ECE1: variants seen among roughly 807,000 people sequenced by gnomAD.
ECE1 encodes the protein endothelin converting enzyme 1.
ECE1 carries 35 observed loss-of-function variants against 98.6 expected under a neutral mutation model. That is an observed-to-expected ratio of 0.35 (90% confidence interval 0.27 to 0.47). ECE1 has a LOEUF of 0.47. ECE1 is among the 20% of genes least tolerant of loss of function. ECE1 has a pLI of 1.00. For synonymous variants in ECE1, 394 were observed against 407.1 expected (o/e 0.97, Z 0.39); for missense variants, 814 against 1,025.3 (o/e 0.79, Z 2.81).
Position 21,260,392 on chromosome 1 carries a change from T to C in ECE1, c.494A>G (p.Glu165Gly). Residue 165 changes from glutamate to glycine, a missense_variant and splice_region_variant, in exon 5 of 19, where the codon GAA becomes GGA. Physicochemically the swap from Glu to Gly is moderately conservative, Grantham distance 98 (BLOSUM62 -2). Coordinates refer to ENST00000374893, the MANE Select transcript of ECE1 (RefSeq NM_001397.3). This position sits in a 1 kb window ranked among gnomAD's most constrained non-coding sequence, Gnocchi z 4.3. The part of the protein sequence containing the change: ...HNQAIIKHLL[E>G]NSTASVSEAE... Reference sequence around the variant, plus strand: ...CTCGCTCACGCTGGCCGTGGAGTTTTCTGGAACAACAGACAGTGGAGTTTG... The same window carrying C: ...CTCGCTCACGCTGGCCGTGGAGTTTCCTGGAACAACAGACAGTGGAGTTTG... 6.2e-7 allele frequency: 1 copy of C among 1,614,224 alleles called. No homozygotes were observed. Among genetic ancestry groups the C allele is most frequent in the Non-Finnish European group, 8.5e-7 (1 of 1,180,042 alleles).
At chr1:21,272,374 C>T (rs897660834) in intron 4 of ECE1, among the ~76,000 whole-genome samples, 1 of 152,216 alleles carries the variant, frequency 6.6e-6, no homozygotes, top group Non-Finnish European at 1.5e-5. Context: ...TCACTGCAAC[C>T]TCTGCCTCCC....
At chr1:21,248,063 G>A (rs750587622) in intron 8 of ECE1, among the ~76,000 whole-genome samples, 9 of 152,308 alleles carry the variant, frequency 5.9e-5, no homozygotes, top group African/African-American at 2.2e-4. Flanking sequence ...GCATTGGTCC[G>A]AAGGTGATAT....
At chr1:21,246,196 A>T (rs1017270686) in intron 9 of ECE1, among the ~76,000 whole-genome samples, 3 of 152,126 alleles carry the variant, frequency 2.0e-5, no homozygotes, top group African/African-American at 4.8e-5. Flanking sequence ...TTTTCAAAAA[A>T]TTTTTTAAAA....
chr1:21,250,060 T>G (rs1221242117), intron 8 of ECE1, among the ~76,000 whole-genome samples: 1 of 151,748 alleles, frequency 6.6e-6, no homozygotes, highest in Non-Finnish European at 1.5e-5. Context: ...ATTACAGGCA[T>G]AAGCCACCGC....
rs565762990 is a variant in ECE1 at position 21,246,964 on chromosome 1, T to C, written c.1163+257A>G. 7.2e-5 allele frequency among the ~76,000 whole-genome samples: 11 copies of C among 152,336 alleles called. No homozygotes were observed. The East Asian group carries it at 2.1e-3, about 29-fold the overall frequency. On this transcript the variant is annotated intron_variant, in intron 9 of 18. Transcript: ENST00000374893. The stretch of plus-strand genomic sequence containing the variant: ...CGTTCATGCCCGGCCACAGGTGATA[T>C]TTGTATCACCATTTTATGAAGGAGG...
At chr1:21,298,442 A>G (rs2103374301) in intron 1 of ECE1, 1 of 307,874 alleles carries the variant, frequency 3.2e-6, no homozygotes, top group East Asian at 7.7e-5. Flanking sequence ...ATTTCACTTC[A>G]ATTTTATGCT....
At position 21,227,217 on chromosome 1, in the gene ECE1, G is replaced by A. The variant is rs1184375920; in HGVS notation, c.1791C>T (p.Asn597=). 2 of 1,614,124 alleles carry A rather than the reference G, an allele frequency of 1.2e-6. No homozygotes were observed. The highest frequency in any genetic ancestry group is 2.2e-5 in the South Asian group (2 of 91,084). Reference sequence around the variant, plus strand: ...CCACGACGACACCTATGCCACCAAAGTTTAAGGCCCTGGAGGGAAAGACAC... The same window carrying A: ...CCACGACGACACCTATGCCACCAAAATTTAAGGCCCTGGAGGGAAAGACAC... ...FYTRSSPKAL[N]FGGIGVVVGH... Residue 597 remains asparagine (N), a synonymous_variant, in exon 16 of 19, where the codon AAC becomes AAT. Coordinates refer to ENST00000374893, the MANE Select transcript of ECE1 (RefSeq NM_001397.3).
intron 8 of ECE1, among the ~76,000 whole-genome samples, chr1:21,254,357 G>A (rs2098217196): frequency 6.6e-6 from 1 of 152,148 alleles, no homozygotes; most frequent in Admixed American, 6.5e-5. Context: ...AGAGCTCCAA[G>A]GGGCTTACAG....
intron 2 of ECE1, among the ~76,000 whole-genome samples, chr1:21,281,939 C>G (rs2098255031): frequency 6.6e-6 from 1 of 152,190 alleles, no homozygotes; most frequent in Admixed American, 6.5e-5. Context: ...TCGTGATCCA[C>G]CCGCCTCAGC....
intron 4 of ECE1, among the ~76,000 whole-genome samples, chr1:21,270,261 T>G (rs2098238744): frequency 6.6e-6 from 1 of 152,220 alleles, no homozygotes; most frequent in Non-Finnish European, 1.5e-5. Flanking sequence ...AATTCCGAAG[T>G]CTGGGGTTGT....
intron 8 of ECE1, among the ~76,000 whole-genome samples, chr1:21,250,228 G>T (rs144397484): frequency 2.2e-3 from 328 of 152,264 alleles, no homozygotes; most frequent in African/African-American, 7.8e-3. Context: ...GAATCAGGCA[G>T]TATTTGTCCT....
chr1:21,332,164 T>C (rs758727571), intron 1 of ECE1, among the ~76,000 whole-genome samples: 1 of 152,140 alleles, frequency 6.6e-6, no homozygotes, highest in Non-Finnish European at 1.5e-5. Context: ...GCTTAAGATG[T>C]GGCCCGAGTC....
rs2098164290 is a variant in ECE1, at chr1:21,219,134, CT to C, written c.*820del. 2 of 152,488 alleles carry C rather than the reference CT, an allele frequency of 1.3e-5. No homozygotes were observed. Among genetic ancestry groups the C allele is most frequent in the South Asian group, 4.1e-4 (2 of 4,832 alleles). The allele number at this position is 152,488 out of a possible 1,614,324, so 9.4% of individuals were successfully genotyped here. A position where few individuals can be genotyped will look rare whatever the true frequency, so the allele number is the denominator to read the frequency against. ...TGTTCCCAGATGGTGTTTGAGGGTCCTGACCCGACCTCATTCTGCTATAGCC... is the reference window on the plus strand; with the variant it reads ...TGTTCCCAGATGGTGTTTGAGGGTCCGACCCGACCTCATTCTGCTATAGCC... On this transcript the variant is annotated 3_prime_UTR_variant, in exon 19 of 19. Coordinates refer to ENST00000374893, the MANE Select transcript of ECE1 (RefSeq NM_001397.3). The surrounding 1 kb of genome is among the most constrained non-coding windows in gnomAD (Gnocchi z 4.5).
chr1:21,333,898 G>T (rs72657111), intron 1 of ECE1, among the ~76,000 whole-genome samples: 1 of 151,562 alleles, frequency 6.6e-6, no homozygotes. Context: ...GGCCAACTCC[G>T]TGCACCGTCC....
chr1:21,279,322 T>TGGAAGTTCACCTGCAGGGAA lies in ECE1; in HGVS notation c.139-10_148dup (p.His50LeufsTer5). On this transcript the variant is annotated stop_gained and frameshift_variant, in exon 3 of 19. Coordinates refer to ENST00000374893, the MANE Select transcript of ECE1 (RefSeq NM_001397.3). LOFTEE classifies it high-confidence loss of function. The stretch of plus-strand genomic sequence containing the variant: ...GCACCTCTGGCCACTCCGGGGGCTG[T>TGGAAGTTCACCTGCAGGGAA]GGAAGTTCACCTGCAGGGAAGGAGG... 6.2e-7 allele frequency: 1 copy of TGGAAGTTCACCTGCAGGGAA among 1,613,998 alleles called. No homozygotes were observed. Among genetic ancestry groups the TGGAAGTTCACCTGCAGGGAA allele is most frequent in the East Asian group, 2.2e-5 (1 of 44,866 alleles).
intron 10 of ECE1, 131 bp downstream of exon 10, chr1:21,244,858 G>T: frequency 2.4e-6 from 2 of 823,512 alleles, no homozygotes; most frequent in Non-Finnish European, 2.0e-6. Context: ...CCCTTTACTT[G>T]GCATAAGCAC....
rs149440892 is a variant in ECE1, at chr1:21,295,505, T to C, written c.4-5349A>G. Among the ~76,000 whole-genome samples the C allele has an allele frequency of 4.1e-3, 623 of 152,352 alleles. 6 individuals are homozygous for C. Among genetic ancestry groups the C allele is most frequent in the African/African-American group, 0.014 (584 of 41,578 alleles). ...ATTTTTCACCAGAGAAATTTCCATGTGATTAGCTTATTTTAAAATTTACTA... is the reference window on the plus strand; with the variant it reads ...ATTTTTCACCAGAGAAATTTCCATGCGATTAGCTTATTTTAAAATTTACTA... On this transcript the variant is annotated intron_variant, in intron 1 of 18. Coordinates refer to the ECE1 transcript ENST00000415912.
chr1:21,300,656 A>C (rs1386737199), intron 1 of ECE1, among the ~76,000 whole-genome samples: 1 of 152,094 alleles, frequency 6.6e-6, no homozygotes, highest in East Asian at 1.9e-4. Flanking sequence ...GGCTGGTCTC[A>C]AACTCCTGAC....
chr1:21,309,646 C>T (rs1407178676), intron 1 of ECE1, among the ~76,000 whole-genome samples: 1 of 152,178 alleles, frequency 6.6e-6, no homozygotes. Flanking sequence ...CATAACCTCA[C>T]CATTGCTGTT....
Sources: gnomAD v4.1 joint callset for allele counts (sites outside exome capture counted in the v4.1 genomes callset) on GRCh38, gnomAD v4.1.1 for gene constraint, Gnocchi (gnomAD v3.1) non-coding constraint, MANE v1.5 for transcripts, NCBI Gene and HGNC (gene_info 2026-07-23, HGNC 2026-07-21) for gene names.